The following CLIP4 variants were observed in gnomAD, a reference collection of about 807,000 sequenced individuals.
CLIP4 encodes CAP-Gly domain-containing linker protein 4.
A neutral mutation model predicts 73.1 loss-of-function variants in CLIP4; 47 were observed. The ratio of observed to expected loss-of-function variants is 0.64; its 90% CI spans 0.51 to 0.82. The LOEUF (loss-of-function observed/expected upper bound fraction) is 0.82. Among genes scored for constraint, CLIP4 ranks in the 40% least tolerant of loss-of-function variants. The pLI is 0.00. For synonymous variants in CLIP4, 306 were observed against 295.4 expected (o/e 1.04, Z -0.37); for missense variants, 874 against 852.9 (o/e 1.02, Z -0.31).
intron 1 of CLIP4, among the ~76,000 whole-genome samples, chr2:29,104,969 C>T (rs1390063752): frequency 1.3e-5 from 2 of 152,134 alleles, no homozygotes; most frequent in Non-Finnish European, 2.9e-5. Context: ...CCGTAGGAAG[C>T]TGTGTGGCTG....
At chr2:29,109,363 C>G (rs1017087475) in intron 1 of CLIP4, among the ~76,000 whole-genome samples, 4 of 151,740 alleles carry the variant, frequency 2.6e-5, no homozygotes, top group Non-Finnish European at 4.4e-5. Context: ...TTTAAGAAGA[C>G]TTCAATTTTT....
At chr2:29,152,122 A>C (rs756359230) in intron 8 of CLIP4, among the ~76,000 whole-genome samples, 44 of 152,188 alleles carry the variant, frequency 2.9e-4, no homozygotes, top group Non-Finnish European at 2.9e-4. Context: ...GTAACATTTA[A>C]ATTTTGTCTT....
intron 6 of CLIP4, among the ~76,000 whole-genome samples, 172 bp downstream of exon 6, chr2:29,135,838 A>T (rs1665314469): frequency 6.6e-6 from 1 of 152,212 alleles, no homozygotes; most frequent in Admixed American, 6.5e-5. Context: ...AATAAATTTA[A>T]GGCATAATGA....
At chr2:29,105,675 C>G (rs954026792) in intron 1 of CLIP4, among the ~76,000 whole-genome samples, 5 of 152,192 alleles carry the variant, frequency 3.3e-5, no homozygotes, top group Non-Finnish European at 7.3e-5. Flanking sequence ...ACCCCCAAAT[C>G]ATGTTGAAAC....
intron 4 of CLIP4, among the ~76,000 whole-genome samples, chr2:29,132,958 C>G (rs1245477296): frequency 1.3e-5 from 2 of 152,144 alleles, no homozygotes; most frequent in Non-Finnish European, 2.9e-5. Context: ...GAGGCCCAGG[C>G]AGGAGGATTG....
chr2:29,138,443 C>T (rs1360635225), intron 6 of CLIP4, among the ~76,000 whole-genome samples: 5 of 148,350 alleles, frequency 3.4e-5, no homozygotes, highest in Admixed American at 6.7e-5. Context: ...TGTGATGCCT[C>T]TGGCTTCTGT....
rs796180363 is a variant in CLIP4, at chr2:29,107,358, GTTTTTTTTTTTTTTT to G, written c.-16+9428_-16+9442del. ...ATTTCTAAATTCCTGGAACATGATA[GTTTTTTTTTTTTTTT>G]TTTTTTTTTTTTTTTTGAGATGGAG... is the stretch of plus-strand genomic sequence containing the variant. On this transcript the variant is annotated intron_variant, in intron 1 of 14. Coordinates refer to the CLIP4 transcript ENST00000401605. Among the ~76,000 whole-genome samples, 27 of 65,366 alleles carry G rather than the reference GTTTTTTTTTTTTTTT, an allele frequency of 4.1e-4. 1 individual carries two copies. The South Asian group carries it at 7.3e-3, about 18-fold the overall frequency. The allele number at this position is 65,366 out of a possible 152,430, so 42.9% of individuals were successfully genotyped here.
intron 1 of CLIP4, among the ~76,000 whole-genome samples, chr2:29,105,418 C>T (rs1442636960): frequency 6.6e-6 from 1 of 152,188 alleles, no homozygotes; most frequent in East Asian, 1.9e-4. Flanking sequence ...ATGTAAGAGA[C>T]ATGGGGCACA....
chr2:29,121,242 T>C, intron 1 of CLIP4, 132 bp from the exon 2 acceptor site: 1 of 936,998 alleles, frequency 1.1e-6, no homozygotes, highest in Non-Finnish European at 1.5e-6. Context: ...ATTTTTTCCC[T>C]TTCATAAAAG....
intron 13 of CLIP4, among the ~76,000 whole-genome samples, chr2:29,166,895 C>T (rs1205069842): frequency 6.6e-6 from 1 of 152,038 alleles, no homozygotes; most frequent in East Asian, 1.9e-4. Context: ...GGTCACTAAA[C>T]AGTTGAAAGA....
intron 2 of CLIP4, chr2:29,130,527 G>T: frequency 1.7e-6 from 1 of 581,328 alleles, no homozygotes; most frequent in Non-Finnish European, 2.3e-6. Flanking sequence ...TAGGTGTTTT[G>T]GAGAATAGGT....
At chr2:29,138,910 T>G (rs1286776562) in intron 6 of CLIP4, among the ~76,000 whole-genome samples, 2 of 152,052 alleles carry the variant, frequency 1.3e-5, no homozygotes, top group Non-Finnish European at 2.9e-5. Flanking sequence ...GGCAGAACCT[T>G]TAGAATTTTC....
At position 29,169,540 on chromosome 2, in the gene CLIP4, GT is replaced by G. The variant is rs1367014258; in HGVS notation, c.1723+2005del. On this transcript the variant is annotated intron_variant, in intron 14 of 15. Coordinates refer to ENST00000320081, the MANE Select transcript of CLIP4 (RefSeq NM_024692.6). Reference sequence around the variant, plus strand: ...AGGAGGTTAGGACTTCAGCATATGAGTTTTTGGGGTGCAAAATTCAGCCTGT... The same window carrying G: ...AGGAGGTTAGGACTTCAGCATATGAGTTTTGGGGTGCAAAATTCAGCCTGT... Among the ~76,000 whole-genome samples, 3 of 152,208 alleles carry G rather than the reference GT, an allele frequency of 2.0e-5. No homozygotes were observed. The East Asian group carries it at 5.8e-4, about 29-fold the overall frequency.
intron 6 of CLIP4, among the ~76,000 whole-genome samples, chr2:29,143,473 A>G (rs1043149095): frequency 4.1e-5 from 6 of 146,200 alleles, no homozygotes; most frequent in Non-Finnish European, 1.5e-5. Context: ...TTAATGTTGT[A>G]TGGTCTATCT....
At chr2:29,157,166 T>G in intron 10 of CLIP4, 38 bp from the exon 11 acceptor site, 1 of 1,590,172 alleles carries the variant, frequency 6.3e-7, no homozygotes, top group Middle Eastern at 1.7e-4. Flanking sequence ...GTCCACATCT[T>G]ATTTTCCACC....
At chr2:29,142,735 G>A (rs1442253574) in intron 6 of CLIP4, among the ~76,000 whole-genome samples, 4 of 152,176 alleles carry the variant, frequency 2.6e-5, no homozygotes, top group South Asian at 2.1e-4. Flanking sequence ...GAAGAAGATT[G>A]TATCAGTGAA....
chr2:29,155,683 C>T (rs554214133), intron 9 of CLIP4, among the ~76,000 whole-genome samples: 2 of 152,160 alleles, frequency 1.3e-5, no homozygotes, highest in Non-Finnish European at 2.9e-5. Flanking sequence ...CCTCTCCACC[C>T]TCTTCATTCA....
intron 9 of CLIP4, among the ~76,000 whole-genome samples, chr2:29,155,117 A>T (rs976175479): frequency 2.0e-5 from 3 of 152,208 alleles, no homozygotes; most frequent in Non-Finnish European, 4.4e-5. Context: ...AAAGATTTTA[A>T]GTAATGTAAC....
At chr2:29,173,086 C>T (rs1230856161) in intron 14 of CLIP4, among the ~76,000 whole-genome samples, 1 of 152,058 alleles carries the variant, frequency 6.6e-6, no homozygotes, top group Non-Finnish European at 1.5e-5. Context: ...TTGTGAGATG[C>T]TTGTTTTGCT....
Sources: allele counts gnomAD v4.1 joint callset (sites outside exome capture counted in the v4.1 genomes callset), GRCh38; gene constraint gnomAD v4.1.1; transcripts MANE v1.5; gene names NCBI Gene and HGNC (gene_info 2026-07-23, HGNC 2026-07-21).